Variants in NTRK3 observed in about 807,000 individuals in gnomAD.
NTRK3 encodes the protein neurotrophic receptor tyrosine kinase 3.
In NTRK3, 24 loss-of-function variants were observed where a neutral mutation model predicts 91.7. The ratio of observed to expected loss-of-function variants is 0.26; its 90% CI spans 0.19 to 0.37. The LOEUF (loss-of-function observed/expected upper bound fraction) is 0.37, where lower values mean the gene tolerates loss of function less well. Among genes scored for constraint, NTRK3 ranks in the 10% least tolerant of loss-of-function variants. The probability of loss-of-function intolerance (pLI) is 1.00; values close to 1 mark genes in which losing one functional copy is unlikely to be tolerated. For synonymous variants in NTRK3, 483 were observed against 404.0 expected, an observed-to-expected ratio of 1.20 and a Z score of -2.34; for missense variants, 880 against 1,068.9, an observed-to-expected ratio of 0.82 and a Z score of 2.46.
At chr15:88,086,359 T>G (rs1266093349) in intron 13 of NTRK3, among the ~76,000 whole-genome samples, 1 of 152,182 alleles carries the variant, frequency 6.6e-6, no homozygotes, top group Non-Finnish European at 1.5e-5. Context: ...TGTGCTGTAA[T>G]TATAAAAACA....
exon 14 of NTRK3, chr15:88,032,888 A>G (rs2142018074): frequency 6.2e-7 from 1 of 1,613,622 alleles, no homozygotes; most frequent in Non-Finnish European, 8.5e-7. Context: ...TGTGTCCCTG[A>G]CGGAAGTACT....
At position 88,240,239 on chromosome 15, in the gene NTRK3, G is replaced by A. The variant is rs1291579345; in HGVS notation, c.248+15667C>T. Among the ~76,000 whole-genome samples, 1 of 151,796 alleles carries A rather than the reference G, an allele frequency of 6.6e-6. No individual in the cohort carries two copies. The highest frequency in any genetic ancestry group is 1.5e-5 in the Non-Finnish European group (1 of 67,994). On this transcript the variant is annotated intron_variant, in intron 3 of 18. Coordinates refer to ENST00000394480, the Ensembl canonical transcript of NTRK3. The surrounding 1 kb of genome is among the most constrained non-coding windows in gnomAD (Gnocchi z 4.9). ...GAAACATCACAAGTCAGAGCTGGAA[G>A]GGATCTCAAAGATCACCTAGTCCAG... is the stretch of plus-strand genomic sequence containing the variant.
chr15:88,102,038 A>G (rs2050229158), intron 13 of NTRK3, among the ~76,000 whole-genome samples: 1 of 152,174 alleles, frequency 6.6e-6, no homozygotes, highest in South Asian at 2.1e-4. Flanking sequence ...AAATAAAAAA[A>G]TAAAATAGGC....
intron 3 of NTRK3, among the ~76,000 whole-genome samples, chr15:88,190,612 C>T (rs2047309436): frequency 6.6e-6 from 1 of 152,148 alleles, no homozygotes; most frequent in Non-Finnish European, 1.5e-5. Context: ...TCCCCAGGGC[C>T]CCTCCTCCCT....
chr15:88,176,160 CAG>C lies in NTRK3; in HGVS notation c.395+7256_395+7257del, dbSNP rs1186031548. ...TCTTTTTTTTTTTTTTTTTTTGAGA[CAG>C]AGTCTCACTCTGTCACCAGGCTGGA... On this transcript the variant is annotated intron_variant, in intron 5 of 18. Coordinates refer to ENST00000394480, the Ensembl canonical transcript of NTRK3. 9.9e-5 allele frequency among the ~76,000 whole-genome samples: 7 copies of C among 70,822 alleles called. No homozygotes were observed. The Middle Eastern group carries it at 0.071, about 723-fold the overall frequency. 46.5% of individuals were successfully genotyped at this position (70,822 alleles called of 152,430 possible). A position where few individuals can be genotyped will look rare whatever the true frequency, so the allele number is the denominator to read the frequency against.
intron 17 of NTRK3, among the ~76,000 whole-genome samples, chr15:87,923,698 C>A (rs1358811306): frequency 1.3e-5 from 2 of 152,130 alleles, no homozygotes; most frequent in African/African-American, 4.8e-5. Context: ...AAAGTGTCCT[C>A]CAAAGATCCT....
At chr15:87,981,541 A>T (rs2074270808) in intron 14 of NTRK3, among the ~76,000 whole-genome samples, 1 of 152,232 alleles carries the variant, frequency 6.6e-6, no homozygotes, top group African/African-American at 2.4e-5. Context: ...CATAAAATCT[A>T]GATCCTAAGA....
exon 19 of NTRK3, chr15:87,867,266 G>T (rs1249693398): frequency 4.4e-6 from 1 of 226,242 alleles, no homozygotes; most frequent in Non-Finnish European, 8.8e-6. Context: ...AAGCTTGGTT[G>T]ATGTGCAGGC....
At position 87,997,180 on chromosome 15, in the gene NTRK3, T is replaced by G. The variant is rs1037300367; in HGVS notation, c.1585+35677A>C. Among the ~76,000 whole-genome samples, 3 of 152,202 alleles carry G rather than the reference T, an allele frequency of 2.0e-5. No homozygotes were observed. The East Asian group carries it at 5.8e-4, about 29-fold the overall frequency. On this transcript the variant is annotated intron_variant, in intron 14 of 18. Coordinates refer to ENST00000394480, the Ensembl canonical transcript of NTRK3. ...ATAATGGGGATAACTATACTTCCCT[T>G]GGAGACCCAAGGGATTATAGATATT...
Position 87,974,018 on chromosome 15 carries a change from T to C in NTRK3, c.1586-33265A>G, listed in dbSNP as rs140098968. Reference sequence around the variant, plus strand: ...TACACAACAATGAAGTCGTCCTGCATTGATCTGCCCGCTCCTGAGCTTTCC... The same window carrying C: ...TACACAACAATGAAGTCGTCCTGCACTGATCTGCCCGCTCCTGAGCTTTCC... On this transcript the variant is annotated intron_variant, in intron 14 of 18. Transcript: ENST00000394480. 1.1e-4 allele frequency among the ~76,000 whole-genome samples: 16 copies of C among 152,330 alleles called. No individual in the cohort carries two copies. In the East Asian group the frequency reaches 3.1e-3, roughly 29 times the overall value.
chr15:88,148,231 C>T (rs2043059627), intron 5 of NTRK3, among the ~76,000 whole-genome samples: 1 of 152,182 alleles, frequency 6.6e-6, no homozygotes, highest in African/African-American at 2.4e-5. Context: ...AACACAGACT[C>T]TTGTTTATAC....
intron 3 of NTRK3, among the ~76,000 whole-genome samples, chr15:88,247,962 A>AC (rs146984416): frequency 2.6e-5 from 4 of 151,850 alleles, no homozygotes; most frequent in East Asian, 3.9e-4. Flanking sequence ...CGCTTTAGAC[A>AC]CCCCCCTTTT....
At chr15:88,034,122 C>T (rs2078858584) in intron 13 of NTRK3, among the ~76,000 whole-genome samples, 3 of 152,176 alleles carry the variant, frequency 2.0e-5, no homozygotes, top group Non-Finnish European at 4.4e-5. Flanking sequence ...TTACTGCACT[C>T]AGCCATCAAC....
chr15:87,879,373 A>T (rs1045455875), intron 18 of NTRK3, among the ~76,000 whole-genome samples: 3 of 152,198 alleles, frequency 2.0e-5, no homozygotes, highest in African/African-American at 7.2e-5. Flanking sequence ...CTTACTGCCT[A>T]CAAACTGCAC....
chr15:87,909,549 A>T (rs530111966), intron 17 of NTRK3, among the ~76,000 whole-genome samples: 1 of 152,246 alleles, frequency 6.6e-6, no homozygotes, highest in South Asian at 2.1e-4. Flanking sequence ...GCAGGGAGGG[A>T]CGAACAGAAA....
exon 15 of NTRK3, chr15:87,940,742 T>G (rs869112057): frequency 1.9e-6 from 3 of 1,613,988 alleles, no homozygotes; most frequent in Non-Finnish European, 2.5e-6. Context: ...CTCCTCTTAA[T>G]GTGCTGCACA....
exon 19 of NTRK3, chr15:87,876,148 C>T (rs1419641084): frequency 8.6e-6 from 2 of 232,896 alleles, no homozygotes; most frequent in Admixed American, 5.6e-5. Context: ...TAGAAAGACA[C>T]ATCCTTTGCA....
intron 14 of NTRK3, among the ~76,000 whole-genome samples, chr15:88,005,078 C>T (rs1318184046): frequency 2.0e-5 from 3 of 152,136 alleles, no homozygotes; most frequent in African/African-American, 7.2e-5. Flanking sequence ...TCGTGTTACT[C>T]CAAAGGTTTT....
intron 17 of NTRK3, among the ~76,000 whole-genome samples, chr15:87,887,282 T>A (rs2065607069): frequency 6.6e-6 from 1 of 152,200 alleles, no homozygotes; most frequent in Non-Finnish European, 1.5e-5. Flanking sequence ...ACTGCATTCT[T>A]CCAGGAATGG....
Sources: allele counts gnomAD v4.1 joint callset (sites outside exome capture counted in the v4.1 genomes callset), GRCh38; gene constraint gnomAD v4.1.1; non-coding constraint Gnocchi (gnomAD v3.1); transcripts MANE v1.5; gene names NCBI Gene and HGNC (gene_info 2026-07-23, HGNC 2026-07-21).